Variants in IGSF22 observed in about 807,000 individuals in gnomAD.
IGSF22 encodes immunoglobulin superfamily, member 22.
A neutral mutation model predicts 127.0 loss-of-function variants in IGSF22; 119 were observed. The observed-to-expected ratio is 0.94, with a 90% CI of 0.81 to 1.09. The LOEUF (loss-of-function observed/expected upper bound fraction) is 1.09. Ranked by LOEUF, IGSF22 falls within the 50% of genes least tolerant of loss-of-function variation. The pLI is 0.00. For synonymous variants in IGSF22, 568 were observed against 664.7 expected (o/e 0.85, Z 2.24); for missense variants, 1,518 against 1,716.6 (o/e 0.88, Z 2.04).
chr11:18,712,464 C>T, intron 14 of IGSF22, 80 bp from the exon 15 acceptor site: 1 of 1,294,926 alleles, frequency 7.7e-7, no homozygotes, highest in Non-Finnish European at 1.1e-6. Flanking sequence ...CAAAGGTCTG[C>T]CCAGACTAGG....
rs1417395642 is a variant in IGSF22 at position 18,704,437 on chromosome 11, C to G, written c.*31G>C. The G allele has an allele frequency of 6.7e-7, 1 of 1,487,828 alleles. No homozygotes were observed. Among genetic ancestry groups the G allele is most frequent in the Non-Finnish European group, 9.2e-7 (1 of 1,088,952 alleles). The allele number at this position is 1,487,828 out of a possible 1,614,324, so 92.2% of individuals were successfully genotyped here. On this transcript the variant is annotated 3_prime_UTR_variant, in exon 23 of 23. Coordinates refer to ENST00000513874, the MANE Select transcript of IGSF22 (RefSeq NM_173588.4). Reference sequence around the variant, plus strand: ...CAGGCCAAGAAACTCCACATCATAACAGCCTCCTGATGCCTGGGCTTGGCT... The same window carrying G: ...CAGGCCAAGAAACTCCACATCATAAGAGCCTCCTGATGCCTGGGCTTGGCT...
At chr11:18,721,765 G>A in intron 3 of IGSF22, 94 bp from the exon 4 acceptor site, 1 of 1,593,978 alleles carries the variant, frequency 6.3e-7, no homozygotes, top group Non-Finnish European at 8.5e-7. Context: ...CCAGACACCT[G>A]GGCCTGGCCC....
rs777321430 is a variant in IGSF22, at chr11:18,713,916, G to A, written c.2031C>T (p.Leu677=). 6.8e-6 allele frequency: 11 copies of A among 1,614,146 alleles called. No individual in the cohort carries two copies. Among genetic ancestry groups the A allele is most frequent in the Non-Finnish European group, 8.5e-6 (10 of 1,180,060 alleles). Reference sequence around the variant, plus strand: ...GGTCATTCTTGAGCTTGAGCAGGATGAGGCCGCTGTCTTCACGCACACAGT... The same window carrying A: ...GGTCATTCTTGAGCTTGAGCAGGATAAGGCCGCTGTCTTCACGCACACAGT... The part of the protein sequence containing the change: ...ISNCVREDSG[L]ILLKLKNDHG... Residue 677 remains leucine, a synonymous_variant, in exon 14 of 23, where the codon CTC becomes CTT. Coordinates refer to ENST00000513874, the MANE Select transcript of IGSF22 (RefSeq NM_173588.4).
rs1226354992 is a variant in IGSF22 at position 18,710,434 on chromosome 11, C to T, written c.2594G>A (p.Gly865Asp). ...TTCATATTCTGTGTCCTCCAGGAGA[C>T]CATCCACAGTGCACTTGGTGCCTGA... The part of the protein sequence containing the change: ...PIQGTKCTVD[G>D]LLEDTEYEFR... The change falls in exon 17 of 23, where the codon GGT (glycine) becomes GAT (aspartate). Residue 865 changes from glycine (G) to aspartate (D), a missense_variant. By Grantham distance (94) the Gly-to-Asp change is moderately conservative (BLOSUM62 -1). This residue lies in a region of IGSF22 where 1,456 missense variants were observed against 1,644.9 expected (regional missense o/e 0.89). Coordinates refer to ENST00000513874, the MANE Select transcript of IGSF22 (RefSeq NM_173588.4). The T allele has an allele frequency of 4.3e-6, 7 of 1,614,180 alleles. No individual in the cohort carries two copies. Among genetic ancestry groups the T allele is most frequent in the Non-Finnish European group, 5.9e-6 (7 of 1,180,036 alleles).
intron 10 of IGSF22, among the ~76,000 whole-genome samples, chr11:18,715,979 C>G (rs1430821549): frequency 6.6e-6 from 1 of 152,182 alleles, no homozygotes. Context: ...GGGGTGAGAA[C>G]TTTTACAGTG....
At chr11:18,725,134 C>CA (rs759236958) in intron 1 of IGSF22, among the ~76,000 whole-genome samples, 4 of 151,994 alleles carry the variant, frequency 2.6e-5, no homozygotes, top group Non-Finnish European at 5.9e-5. Context: ...CATTCCTGTT[C>CA]AGAGCACCAT....
At chr11:18,713,289 A>G (rs1848392141) in intron 14 of IGSF22, among the ~76,000 whole-genome samples, 1 of 151,940 alleles carries the variant, frequency 6.6e-6, no homozygotes, top group Non-Finnish European at 1.5e-5. Context: ...AGTAGCTGGA[A>G]TTACAGGTAT....
rs1375435567 is a variant in IGSF22 at position 18,714,531 on chromosome 11, A to G, written c.1625T>C (p.Val542Ala). 6.2e-7 allele frequency: 1 copy of G among 1,613,864 alleles called. No homozygotes were observed. The highest frequency in any genetic ancestry group is 8.5e-7 in the Non-Finnish European group (1 of 1,180,006). Residue 542 changes from valine to alanine, a missense_variant, in exon 12 of 23, where the codon GTG becomes GCG. By Grantham distance (64) the Val-to-Ala change is moderately conservative. Transcript: ENST00000513874. ...GCCATCCTTCAGCCACACACCCTCCACCTTCTCGTCATTCAGCACTACACA... is the reference window on the plus strand; with the variant it reads ...GCCATCCTTCAGCCACACACCCTCCGCCTTCTCGTCATTCAGCACTACACA... Reference protein sequence around the residue: ...ELCVVLNDEKVEGVWLKDGKE... With the variant: ...ELCVVLNDEKAEGVWLKDGKE...
rs778348895 is a variant in IGSF22, at chr11:18,715,504, C to T, written c.1459G>A (p.Glu487Lys). 14 of 1,613,796 alleles carry T rather than the reference C, an allele frequency of 8.7e-6. No homozygotes were observed. The highest frequency in any genetic ancestry group is 4.0e-5 in the African/African-American group (3 of 74,848). The change falls in exon 11 of 23, where the codon GAG becomes AAG. Residue 487 changes from glutamate (E) to lysine (K), a missense_variant. Transcript: ENST00000513874. ...TCCTGCATGGCCACCACAGTGTACT[C>T]GCCACCATCACTGAGCTGTGCATCC... ...IEDAQLSDGG[E>K]YTVVAMQDGD...
In IGSF22 at chr11:18,721,638, C is replaced by T. The variant is rs1369113661; in HGVS notation, c.275G>A (p.Gly92Glu). 1 of 1,614,246 alleles carries T rather than the reference C, an allele frequency of 6.2e-7. No individual in the cohort carries two copies. The highest frequency in any genetic ancestry group is 8.5e-7 in the Non-Finnish European group (1 of 1,180,044). ...DKAVFRARVQ[G>E]NAKPHISWKR... ...CCAGGAGATGTGGGGTTTGGCGTTCCCCTGCACCCGGGCTCGGAACACGGC... is the reference window on the plus strand; with the variant it reads ...CCAGGAGATGTGGGGTTTGGCGTTCTCCTGCACCCGGGCTCGGAACACGGC... The change falls in exon 4 of 23, where the codon GGG becomes GAG. Residue 92 changes from glycine to glutamate, a missense_variant. By Grantham distance (98) the Gly-to-Glu change is moderately conservative. This residue lies in a region of IGSF22 where 1,456 missense variants were observed against 1,644.9 expected (regional missense o/e 0.89). Coordinates refer to ENST00000513874, the MANE Select transcript of IGSF22 (RefSeq NM_173588.4).
At chr11:18,719,373 G>A (rs538546261) in intron 7 of IGSF22, among the ~76,000 whole-genome samples, 2 of 151,300 alleles carry the variant, frequency 1.3e-5, no homozygotes, top group African/African-American at 4.8e-5. Flanking sequence ...CATCATGTTG[G>A]CCAGGCTGGT....
rs1397130626 is a variant in IGSF22 at position 18,712,029 on chromosome 11, G to A, written c.2398+53C>T. On this transcript the variant is annotated intron_variant, in intron 15 of 22. Transcript: ENST00000513874. ...GATCAGTGTTCCTTCCTGGCTTAAGGTCTCCATGCTGACCCCTGGGTTCCC... is the reference window on the plus strand; with the variant it reads ...GATCAGTGTTCCTTCCTGGCTTAAGATCTCCATGCTGACCCCTGGGTTCCC... 4.1e-6 allele frequency: 6 copies of A among 1,448,052 alleles called. No homozygotes were observed. In the African/African-American group the frequency reaches 4.2e-5, roughly 10 times the overall value. 89.7% of individuals were successfully genotyped at this position (1,448,052 alleles called of 1,614,324 possible).
At position 18,710,716 on chromosome 11, in the gene IGSF22, A is replaced by T. The variant is rs893731124; in HGVS notation, c.2511T>A (p.Ile837=). ...QDGGAPVLGY[I]VERRKKGSNL... Reference sequence around the variant, plus strand: ...TGCTGCCTTTCTTCCTTCGTTCTACAATGTAGCCGAGCACTGGGGCTCCCC... The same window carrying T: ...TGCTGCCTTTCTTCCTTCGTTCTACTATGTAGCCGAGCACTGGGGCTCCCC... Residue 837 remains isoleucine, a synonymous_variant, in exon 16 of 23, where the codon ATT becomes ATA. Coordinates refer to ENST00000513874, the MANE Select transcript of IGSF22 (RefSeq NM_173588.4). 1.5e-5 allele frequency: 25 copies of T among 1,614,046 alleles called. No individual in the cohort carries two copies. Among genetic ancestry groups the T allele is most frequent in the Non-Finnish European group, 2.1e-5 (25 of 1,180,004 alleles).
chr11:18,704,451 C>T lies in IGSF22; in HGVS notation c.*17G>A, dbSNP rs1848182456. 6.5e-7 allele frequency: 1 copy of T among 1,538,326 alleles called. No individual in the cohort carries two copies. Reference sequence around the variant, plus strand: ...CCACATCATAACAGCCTCCTGATGCCTGGGCTTGGCTGGAGCTCACATGAG... The same window carrying T: ...CCACATCATAACAGCCTCCTGATGCTTGGGCTTGGCTGGAGCTCACATGAG... On this transcript the variant is annotated 3_prime_UTR_variant, in exon 23 of 23. Coordinates refer to ENST00000513874, the MANE Select transcript of IGSF22 (RefSeq NM_173588.4).
intron 11 of IGSF22, 83 bp from the exon 12 acceptor site, chr11:18,714,707 A>G: frequency 1.3e-6 from 2 of 1,532,832 alleles, no homozygotes; most frequent in African/African-American, 1.4e-5. Context: ...AGCGATGGTC[A>G]TGGGACTGGT....
At chr11:18,715,330 A>G (rs4993024) in intron 11 of IGSF22, 102 bp downstream of exon 11, 913,612 of 1,226,912 alleles carry the variant, frequency 0.74, 341,872 homozygotes, top group East Asian at 0.82. Context: ...CATGGTCTAC[A>G]GGAGGGTTGG....
intron 2 of IGSF22, among the ~76,000 whole-genome samples, 165 bp downstream of exon 2, chr11:18,723,963 C>T (rs775518567): frequency 6.6e-6 from 1 of 152,236 alleles, no homozygotes; most frequent in Non-Finnish European, 1.5e-5. Flanking sequence ...CTGGCTGAAG[C>T]TTTAACAAAG....
chr11:18,718,962 T>G (rs1394274508), intron 7 of IGSF22, among the ~76,000 whole-genome samples: 2 of 152,212 alleles, frequency 1.3e-5, no homozygotes, highest in Admixed American at 1.3e-4. Flanking sequence ...CTGGGCCCAT[T>G]ATATAGATTC....
At position 18,721,542 on chromosome 11, in the gene IGSF22, A is replaced by G; in HGVS notation, c.371T>C (p.Val124Ala). 1 of 1,614,088 alleles carries G rather than the reference A, an allele frequency of 6.2e-7. No homozygotes were observed. Among genetic ancestry groups the G allele is most frequent in the East Asian group, 2.2e-5 (1 of 44,878 alleles). ...IFYDSINKEHVLKLEPLTSDD... is the reference protein window; with the variant it reads ...IFYDSINKEHALKLEPLTSDD... ...TGGGCTTGGCCCCCGCACCTTCAGC[A>G]CGTGTTCCTTGTTAATGCTGTCGTA... is the stretch of plus-strand genomic sequence containing the variant. The change falls in exon 4 of 23, where the codon GTG (valine) becomes GCG (alanine). Residue 124 changes from valine (V) to alanine (A), a missense_variant. Physicochemically the swap from Val to Ala is moderately conservative, Grantham distance 64 (BLOSUM62 0). Coordinates refer to ENST00000513874, the MANE Select transcript of IGSF22 (RefSeq NM_173588.4).
Sources: allele counts gnomAD v4.1 joint callset (sites outside exome capture counted in the v4.1 genomes callset), GRCh38; gene constraint gnomAD v4.1.1; regional missense constraint gnomAD v4.1.1; transcripts MANE v1.5; gene names NCBI Gene and HGNC (gene_info 2026-07-23, HGNC 2026-07-21).